PFKFB3: variants seen among roughly 807,000 people sequenced by gnomAD.
PFKFB3 encodes the protein 6-phosphofructo-2-kinase/fructose-2,6-bisphosphatase 3.
A neutral mutation model predicts 68.0 loss-of-function variants in PFKFB3; 33 were observed. The ratio of observed to expected loss-of-function variants is 0.49; its 90% CI spans 0.37 to 0.65. The LOEUF is 0.65. PFKFB3 is among the 30% of genes least tolerant of loss of function. The pLI is 0.00. For missense variants in PFKFB3, 586 were observed against 712.2 expected (o/e 0.82, Z 2.02); for synonymous variants, 315 against 288.2 (o/e 1.09, Z -0.94).
At chr10:6,179,549 G>A (rs896961439) in intron 1 of PFKFB3, among the ~76,000 whole-genome samples, 9 of 152,190 alleles carry the variant, frequency 5.9e-5, no homozygotes, top group African/African-American at 2.2e-4. Flanking sequence ...GAACAGAAGG[G>A]TTTCTCTCCT....
chr10:6,302,351 G>A, the PFKFB3 span, among the ~76,000 whole-genome samples: 1 of 134,468 alleles, frequency 7.4e-6, no homozygotes, highest in Non-Finnish European at 1.5e-5. Context: ...CACTGCCACC[G>A]TGCCTGGCCA....
chr10:6,182,598 C>CCGAG (rs1433331028), intron 1 of PFKFB3, among the ~76,000 whole-genome samples: 2 of 152,214 alleles, frequency 1.3e-5, no homozygotes, highest in Non-Finnish European at 2.9e-5. Flanking sequence ...GCAGTAGGTC[C>CCGAG]CGAGCGGGAG....
At chr10:6,177,480 C>G (rs1204911997) in intron 1 of PFKFB3, among the ~76,000 whole-genome samples, 1 of 119,122 alleles carries the variant, frequency 8.4e-6, no homozygotes, top group African/African-American at 3.1e-5. Flanking sequence ...TTCTTTCTTT[C>G]TTTCTTTTTC....
At chr10:6,149,309 C>T (rs77358427) in intron 1 of PFKFB3, among the ~76,000 whole-genome samples, 18,068 of 152,102 alleles carry the variant, frequency 0.12, 1,188 homozygotes, top group East Asian at 0.22. Flanking sequence ...ACAATAAGGC[C>T]GGGTGCGGTG....
At chr10:6,268,978 G>A in the PFKFB3 span, among the ~76,000 whole-genome samples, 2 of 138,890 alleles carry the variant, frequency 1.4e-5, no homozygotes, top group South Asian at 2.2e-4. Context: ...AGCTGAGATC[G>A]TACCACTGCA....
chr10:6,171,758 A>G (rs570975052), intron 1 of PFKFB3, among the ~76,000 whole-genome samples: 1 of 152,364 alleles, frequency 6.6e-6, no homozygotes, highest in East Asian at 1.9e-4. Flanking sequence ...TAGCACATGT[A>G]TATTAGATAT....
the PFKFB3 span, among the ~76,000 whole-genome samples, chr10:6,299,811 G>A: frequency 6.6e-6 from 1 of 152,094 alleles, no homozygotes; most frequent in Non-Finnish European, 1.5e-5. Context: ...CCCAGTTCCT[G>A]GGAAGAGTGA....
chr10:6,165,049 T>G (rs147133899), intron 1 of PFKFB3, among the ~76,000 whole-genome samples: 1,646 of 152,224 alleles, frequency 0.011, 69 homozygotes, highest in East Asian at 0.099. Flanking sequence ...TACGGGTGTC[T>G]GGCTGGGGCA....
downstream of PFKFB3, among the ~76,000 whole-genome samples, chr10:6,259,048 C>G (rs1276271894): frequency 2.0e-5 from 3 of 152,196 alleles, no homozygotes; most frequent in Admixed American, 2.0e-4. Context: ...ACTCTTGTTT[C>G]AGTTCATCTA....
At chr10:6,194,343 GACA>G in intron 1 of PFKFB3, among the ~76,000 whole-genome samples, 1 of 152,338 alleles carries the variant, frequency 6.6e-6, no homozygotes, top group Middle Eastern at 3.4e-3. Flanking sequence ...TTCAGCTCTT[GACA>G]TCACAAGATG....
the PFKFB3 span, among the ~76,000 whole-genome samples, chr10:6,299,054 TC>T: frequency 1.1e-4 from 16 of 152,328 alleles, no homozygotes; most frequent in African/African-American, 3.8e-4. Flanking sequence ...GATTGCCTCC[TC>T]TTTAGGTTGA....
At chr10:6,244,096 G>A (rs1359578376) in intron 14 of PFKFB3, among the ~76,000 whole-genome samples, 1 of 152,212 alleles carries the variant, frequency 6.6e-6, no homozygotes, top group East Asian at 1.9e-4. Flanking sequence ...CTGGGCTCAA[G>A]CAATCCTTCC....
chr10:6,169,208 C>T (rs921549008), intron 1 of PFKFB3, among the ~76,000 whole-genome samples: 1 of 152,230 alleles, frequency 6.6e-6, no homozygotes, highest in Non-Finnish European at 1.5e-5. Context: ...TCCCAAAGTG[C>T]TGGGATTACA....
chr10:6,235,499 T>C lies in PFKFB3; in HGVS notation c.*2557T>C, dbSNP rs1845982397. ...TTTCAGAAATTTGTATATTTTGCAG[T>C]TGCCAGACCAATAAAATACCTGGTT... On this transcript the variant is annotated 3_prime_UTR_variant, in exon 15 of 15. Coordinates refer to ENST00000379775, the MANE Select transcript of PFKFB3 (RefSeq NM_004566.4). 6.6e-6 allele frequency: 1 copy of C among 152,340 alleles called. No individual in the cohort carries two copies. Among genetic ancestry groups the C allele is most frequent in the Admixed American group, 6.5e-5 (1 of 15,282 alleles). 9.4% of individuals were successfully genotyped at this position (152,340 alleles called of 1,614,324 possible). A position where few individuals can be genotyped will look rare whatever the true frequency, so the allele number is the denominator to read the frequency against.
At chr10:6,182,756 G>A (rs7083300) in intron 1 of PFKFB3, among the ~76,000 whole-genome samples, 4,151 of 152,342 alleles carry the variant, frequency 0.027, 81 homozygotes, top group African/African-American at 0.06. Context: ...GGACTGCCCA[G>A]TGCTTTCCTG....
chr10:6,190,029 T>C (rs12261272), intron 1 of PFKFB3, among the ~76,000 whole-genome samples: 8,779 of 150,754 alleles, frequency 0.058, 391 homozygotes, highest in African/African-American at 0.11. Flanking sequence ...CTGCAACCTC[T>C]GCCTTCCGGG....
rs770533833 is a variant in PFKFB3 at position 6,215,215 on chromosome 10, CCA to C, written c.203-3_203-2del. On this transcript the variant is annotated splice_polypyrimidine_tract_variant and splice_region_variant and intron_variant, in intron 2 of 14. Transcript: ENST00000379775. This position sits in a 1 kb window ranked among gnomAD's most constrained non-coding sequence, Gnocchi z 4.3. Reference sequence around the variant, plus strand: ...TCATCCAGACTGTTCTCTTTCCCGTCCACAGTGTTCAACGTCGGGGAGTATCG... The same window carrying C: ...TCATCCAGACTGTTCTCTTTCCCGTCCAGTGTTCAACGTCGGGGAGTATCG... 5 of 1,611,864 alleles carry C rather than the reference CCA, an allele frequency of 3.1e-6. No homozygotes were observed. The African/African-American group carries it at 5.3e-5, about 17-fold the overall frequency.
intron 14 of PFKFB3, among the ~76,000 whole-genome samples, chr10:6,252,346 G>A (rs1253793500): frequency 6.6e-6 from 1 of 152,164 alleles, no homozygotes; most frequent in Non-Finnish European, 1.5e-5. Context: ...GTAGTTTGGG[G>A]TTAACAATAG....
upstream of PFKFB3, among the ~76,000 whole-genome samples, chr10:6,198,194 C>T (rs1843224981): frequency 6.7e-6 from 1 of 149,310 alleles, no homozygotes; most frequent in African/African-American, 2.5e-5. Context: ...GGCAGTAAGC[C>T]GAGATGGTAC....
Sources: gnomAD v4.1 joint callset for allele counts (sites outside exome capture counted in the v4.1 genomes callset) on GRCh38, gnomAD v4.1.1 for gene constraint, Gnocchi (gnomAD v3.1) non-coding constraint, MANE v1.5 for transcripts, NCBI Gene and HGNC (gene_info 2026-07-23, HGNC 2026-07-21) for gene names.